FAR2: variants seen among roughly 807,000 people sequenced by gnomAD.
FAR2 encodes the protein fatty acyl-CoA reductase 2.
Under a neutral mutation model 56.0 loss-of-function variants are expected in FAR2, and 19 were observed. That is an observed-to-expected ratio of 0.34 (90% CI 0.24 to 0.50). FAR2 has a LOEUF of 0.50. Among genes scored for constraint, FAR2 ranks in the 20% least tolerant of loss-of-function variants. The pLI is 0.98. For missense variants in FAR2, 508 were observed against 642.2 expected (o/e 0.79, Z 2.26); for synonymous variants, 219 against 218.8 (o/e 1.00, Z -0.01).
rs1307781715 is a variant in FAR2 at position 29,270,589 on chromosome 12, A to G, written c.140A>G (p.Lys47Arg). ...GTCATTTACATCCTTGTGAGGCCCA[A>G]GGCTGGCCAGACACTGCAGCAGAGG... ...LKVIYILVRP[K>R]AGQTLQQRVF... is the part of the protein sequence containing the mutation. The change falls in exon 2 of 12, where the codon AAG becomes AGG. Residue 47 changes from lysine to arginine, a missense_variant. By Grantham distance (26) the Lys-to-Arg change is conservative. Coordinates refer to ENST00000536681, the MANE Select transcript of FAR2 (RefSeq NM_001271783.2). 2 of 1,614,080 alleles carry G rather than the reference A, an allele frequency of 1.2e-6. No homozygotes were observed. Among genetic ancestry groups the G allele is most frequent in the Non-Finnish European group, 1.7e-6 (2 of 1,179,942 alleles).
intron 9 of FAR2, 101 bp from the exon 10 acceptor site, chr12:29,321,694 G>T: frequency 7.4e-7 from 1 of 1,358,106 alleles, no homozygotes; most frequent in Non-Finnish European, 1.0e-6. Flanking sequence ...GGTAGACAGG[G>T]ATAATTTTTG....
intron 1 of FAR2, among the ~76,000 whole-genome samples, chr12:29,245,257 G>A (rs1047324211): frequency 6.6e-6 from 1 of 152,216 alleles, no homozygotes; most frequent in Non-Finnish European, 1.5e-5. Flanking sequence ...TGGGATTACA[G>A]GCGTGAGCCA....
Position 29,288,397 on chromosome 12 carries a change from G to C in FAR2, c.190-4903G>C, listed in dbSNP as rs186141522. Among the ~76,000 whole-genome samples, 84 of 152,218 alleles carry C rather than the reference G, an allele frequency of 5.5e-4. 1 individual carries two copies. The highest frequency in any genetic ancestry group is 2.0e-3 in the African/African-American group (83 of 41,546). The stretch of plus-strand genomic sequence containing the variant: ...TGAGAAGAAACAGGATAAGCTCTTA[G>C]AATTTAAAATAATTATATTGTTCTT... On this transcript the variant is annotated intron_variant, in intron 2 of 11. Coordinates refer to ENST00000536681, the MANE Select transcript of FAR2 (RefSeq NM_001271783.2).
At chr12:29,181,409 C>T (rs543863142) in intron 1 of FAR2, among the ~76,000 whole-genome samples, 1 of 152,288 alleles carries the variant, frequency 6.6e-6, no homozygotes, top group Non-Finnish European at 1.5e-5. Context: ...GGAAAATAGA[C>T]TCCTAGCTCA....
intron 1 of FAR2, among the ~76,000 whole-genome samples, chr12:29,261,477 TAG>T (rs1489836098): frequency 6.6e-6 from 1 of 151,272 alleles, no homozygotes; most frequent in African/African-American, 2.4e-5. Flanking sequence ...AAAGAGGAGG[TAG>T]AGAGAGATCA....
chr12:29,333,753 T>C lies in FAR2; in HGVS notation c.1507T>C (p.Phe503Leu). ...CTTCATTGTAAGCTTCTGTTATAAA[T>C]TCCTCTCCTACTTTAGAGCATCCAG... ...WFFIVSFCYK[F>L]LSYFRASSTL... Residue 503 changes from phenylalanine (F) to leucine (L), a missense_variant, in exon 12 of 12, where the codon TTC becomes CTC. Transcript: ENST00000536681. The C allele has an allele frequency of 6.2e-7, 1 of 1,613,860 alleles. No individual in the cohort carries two copies. The highest frequency in any genetic ancestry group is 8.5e-7 in the Non-Finnish European group (1 of 1,179,752).
chr12:29,273,500 C>T (rs1342754327), intron 2 of FAR2, among the ~76,000 whole-genome samples: 1 of 152,204 alleles, frequency 6.6e-6, no homozygotes, highest in Non-Finnish European at 1.5e-5. Context: ...AGCCATCCAG[C>T]CTTCCTGGCA....
At chr12:29,266,626 A>T (rs548291536) in intron 1 of FAR2, among the ~76,000 whole-genome samples, 3 of 152,234 alleles carry the variant, frequency 2.0e-5, no homozygotes, top group African/African-American at 7.2e-5. Flanking sequence ...TTGCAATTTT[A>T]AAAATAACTG....
At chr12:29,274,700 C>T (rs1430071412) in intron 2 of FAR2, among the ~76,000 whole-genome samples, 1 of 151,970 alleles carries the variant, frequency 6.6e-6, no homozygotes, top group Non-Finnish European at 1.5e-5. Flanking sequence ...ATGACATTGT[C>T]TTGTGAAATT....
At position 29,328,663 on chromosome 12, in the gene FAR2, G is replaced by A. The variant is rs1254407694; in HGVS notation, c.1258-3937G>A. Among the ~76,000 whole-genome samples, 7 of 147,724 alleles carry A rather than the reference G, an allele frequency of 4.7e-5. No individual in the cohort carries two copies. The Admixed American group carries it at 4.8e-4, about 10-fold the overall frequency. ...AAGGACAAAAAACCAAACACCGCATGTTCTCACTCATAGGTGGGAATTGAA... is the reference window on the plus strand; with the variant it reads ...AAGGACAAAAAACCAAACACCGCATATTCTCACTCATAGGTGGGAATTGAA... On this transcript the variant is annotated intron_variant, in intron 10 of 11. Coordinates refer to ENST00000536681, the MANE Select transcript of FAR2 (RefSeq NM_001271783.2).
intron 1 of FAR2, among the ~76,000 whole-genome samples, chr12:29,207,132 A>C (rs1460174414): frequency 1.3e-5 from 2 of 152,184 alleles, no homozygotes; most frequent in Non-Finnish European, 2.9e-5. Flanking sequence ...GGAATTTGGA[A>C]ACGTATTTGA....
At chr12:29,227,738 A>G (rs1192627546) in intron 1 of FAR2, among the ~76,000 whole-genome samples, 1 of 152,188 alleles carries the variant, frequency 6.6e-6, no homozygotes, top group Non-Finnish European at 1.5e-5. Context: ...TCTTGACTGC[A>G]GGAAAAATTT....
At chr12:29,263,590 A>G (rs932006554) in intron 1 of FAR2, among the ~76,000 whole-genome samples, 7 of 151,720 alleles carry the variant, frequency 4.6e-5, no homozygotes, top group African/African-American at 1.7e-4. Context: ...CATGAAACAA[A>G]TGAAAATGGA....
At chr12:29,302,563 G>A (rs11050175) in intron 4 of FAR2, among the ~76,000 whole-genome samples, 39,277 of 151,838 alleles carry the variant, frequency 0.26, 5,229 homozygotes, top group Middle Eastern at 0.39. Context: ...AGCTGGAGGG[G>A]AGGATGGGCC....
intron 2 of FAR2, among the ~76,000 whole-genome samples, chr12:29,279,757 A>G (rs1565502205): frequency 6.6e-6 from 1 of 152,086 alleles, no homozygotes; most frequent in Admixed American, 6.6e-5. Flanking sequence ...CTCTCTCCTC[A>G]ATCAGAGAGA....
intron 2 of FAR2, among the ~76,000 whole-genome samples, chr12:29,270,992 A>C (rs1948609219): frequency 6.6e-6 from 1 of 152,200 alleles, no homozygotes; most frequent in Admixed American, 6.6e-5. Flanking sequence ...TTTCCTCCCC[A>C]AATTTTTTGG....
chr12:29,318,370 A>C (rs1237786383), intron 9 of FAR2, among the ~76,000 whole-genome samples: 1 of 152,260 alleles, frequency 6.6e-6, no homozygotes, highest in Non-Finnish European at 1.5e-5. Flanking sequence ...GTAGGCAGAA[A>C]TGCTAAAGGT....
At chr12:29,323,375 T>C (rs761732905) in intron 10 of FAR2, among the ~76,000 whole-genome samples, 1 of 152,232 alleles carries the variant, frequency 6.6e-6, no homozygotes, top group African/African-American at 2.4e-5. Flanking sequence ...TAAATGTCCC[T>C]GTCTGACAGC....
intron 1 of FAR2, among the ~76,000 whole-genome samples, chr12:29,187,126 G>A (rs1950052147): frequency 6.6e-6 from 1 of 152,090 alleles, no homozygotes; most frequent in Non-Finnish European, 1.5e-5. Context: ...AGTAGTATTT[G>A]CGTAATTTTT....
Sources: allele counts gnomAD v4.1 joint callset (sites outside exome capture counted in the v4.1 genomes callset), GRCh38; gene constraint gnomAD v4.1.1; transcripts MANE v1.5; gene names NCBI Gene and HGNC (gene_info 2026-07-23, HGNC 2026-07-21).